Variants in FRMD5 observed in about 807,000 individuals in gnomAD.
FRMD5 encodes FERM domain-containing protein 5.
FRMD5 carries 20 observed loss-of-function variants against 69.0 expected under a neutral mutation model. The observed-to-expected ratio is 0.29, with a 90% CI of 0.20 to 0.42. FRMD5 has a LOEUF of 0.42. FRMD5 is among the 10% of genes least tolerant of loss of function. FRMD5 has a pLI of 1.00. For synonymous variants in FRMD5, 271 were observed against 260.1 expected (o/e 1.04, Z -0.40); for missense variants, 595 against 708.6 (o/e 0.84, Z 1.82).
chr15:43,963,047 T>C (rs1332056563), intron 1 of FRMD5, among the ~76,000 whole-genome samples: 4 of 152,100 alleles, frequency 2.6e-5, no homozygotes, highest in Non-Finnish European at 5.9e-5. Flanking sequence ...AAAGCCAAAA[T>C]TGACAAATGG....
intron 1 of FRMD5, among the ~76,000 whole-genome samples, chr15:43,975,442 A>G (rs1054784354): frequency 6.6e-6 from 1 of 152,250 alleles, no homozygotes; most frequent in African/African-American, 2.4e-5. Context: ...TGCCGGGCCA[A>G]TATAAAAGCA....
At chr15:44,123,391 A>T (rs1387942443) in intron 1 of FRMD5, among the ~76,000 whole-genome samples, 3 of 151,974 alleles carry the variant, frequency 2.0e-5, no homozygotes, top group African/African-American at 4.8e-5. Flanking sequence ...AGTGACCCTC[A>T]AGGAATATGA....
At chr15:43,915,763 C>T (rs2089374841) in intron 4 of FRMD5, among the ~76,000 whole-genome samples, 1 of 152,186 alleles carries the variant, frequency 6.6e-6, no homozygotes, top group Non-Finnish European at 1.5e-5. Flanking sequence ...CCCTACTTCA[C>T]CCCCTTCTCT....
chr15:44,076,611 T>C (rs1200979298), intron 1 of FRMD5, among the ~76,000 whole-genome samples: 2 of 121,816 alleles, frequency 1.6e-5, no homozygotes, highest in Non-Finnish European at 3.3e-5. Context: ...CATCACACTC[T>C]GGGGACTGTT....
chr15:43,892,201 AATC>A (rs2088809320), intron 7 of FRMD5, 132 bp from the exon 8 acceptor site: 1 of 765,196 alleles, frequency 1.3e-6, no homozygotes, highest in Non-Finnish European at 2.2e-6. Flanking sequence ...TATCATCTGG[AATC>A]ACAAGACCAT....
chr15:43,877,847 A>T (rs12906333), intron 13 of FRMD5, among the ~76,000 whole-genome samples: 4,900 of 152,310 alleles, frequency 0.032, 111 homozygotes, highest in Non-Finnish European at 0.048. Flanking sequence ...AAAACCAAGG[A>T]TAGAATCCAA....
chr15:44,169,646 T>G (rs1293948326), intron 1 of FRMD5, among the ~76,000 whole-genome samples: 1 of 152,172 alleles, frequency 6.6e-6, no homozygotes, highest in African/African-American at 2.4e-5. Flanking sequence ...ACAGCAGATT[T>G]CTGGGGACCC....
intron 7 of FRMD5, 114 bp from the exon 8 acceptor site, chr15:43,892,183 GA>G: frequency 1.2e-6 from 1 of 864,670 alleles, no homozygotes; most frequent in Non-Finnish European, 1.9e-6. Context: ...GTCACAGAGG[GA>G]AAAGCATATC....
chr15:44,071,335 G>T (rs1470426586), intron 1 of FRMD5, among the ~76,000 whole-genome samples: 1 of 152,162 alleles, frequency 6.6e-6, no homozygotes, highest in Non-Finnish European at 1.5e-5. Flanking sequence ...GGCTGAGGAG[G>T]AAGATCATCG....
intron 1 of FRMD5, among the ~76,000 whole-genome samples, chr15:44,026,673 T>C (rs1172691783): frequency 6.6e-6 from 1 of 152,222 alleles, no homozygotes; most frequent in Non-Finnish European, 1.5e-5. Flanking sequence ...GATGAAATGA[T>C]TTTTCTCAAA....
At chr15:43,928,304 G>C (rs548347961) in intron 1 of FRMD5, among the ~76,000 whole-genome samples, 1 of 152,294 alleles carries the variant, frequency 6.6e-6, no homozygotes, top group South Asian at 2.1e-4. Context: ...GCTGGGGTGG[G>C]GGTGAGGGGA....
chr15:44,174,004 T>C (rs2077850283), intron 1 of FRMD5, among the ~76,000 whole-genome samples: 1 of 152,080 alleles, frequency 6.6e-6, no homozygotes, highest in African/African-American at 2.4e-5. Context: ...TTCAAGGTCA[T>C]ATAGGTAGTA....
intron 1 of FRMD5, among the ~76,000 whole-genome samples, chr15:44,192,366 T>C (rs1190087808): frequency 1.3e-5 from 2 of 152,344 alleles, no homozygotes; most frequent in Admixed American, 6.5e-5. Context: ...TCTCTGATTA[T>C]GCTAAGGCAG....
rs902188388 is a variant in FRMD5, at chr15:43,875,877, T to A, written c.1136-1415A>T. 5.2e-5 allele frequency: 34 copies of A among 652,676 alleles called. No individual in the cohort carries two copies. In the East Asian group the frequency reaches 1.1e-3, roughly 22 times the overall value. The allele number at this position is 652,676 out of a possible 1,614,324, so 40.4% of individuals were successfully genotyped here. On this transcript the variant is annotated intron_variant, in intron 13 of 13. Transcript: ENST00000417257. ...TTTTCTTCCTTCAACCATAATAATA[T>A]GATATCCAAATTTTGTCTTAACTGC...
At chr15:44,167,232 G>A (rs987193058) in intron 1 of FRMD5, among the ~76,000 whole-genome samples, 4 of 152,102 alleles carry the variant, frequency 2.6e-5, no homozygotes, top group African/African-American at 9.7e-5. Context: ...GCCAAGCATG[G>A]TGGGACATCC....
intron 1 of FRMD5, among the ~76,000 whole-genome samples, chr15:44,123,811 G>T (rs773203990): frequency 1.3e-5 from 2 of 152,056 alleles, no homozygotes; most frequent in Non-Finnish European, 2.9e-5. Flanking sequence ...AGAAATTAAA[G>T]AAATGCTAAT....
rs2088168601 is a variant in FRMD5 at position 43,871,870 on chromosome 15, A to G, written c.*2015T>C. 6.6e-6 allele frequency: 1 copy of G among 152,194 alleles called. No homozygotes were observed. Among genetic ancestry groups the G allele is most frequent in the African/African-American group, 2.4e-5 (1 of 41,436 alleles). 9.4% of individuals were successfully genotyped at this position (152,194 alleles called of 1,614,324 possible). ...TTAAACAAGCAACCCTAGTGCCTCCACTGGGAAGAGGTCCCAGATCTTTGA... is the reference window on the plus strand; with the variant it reads ...TTAAACAAGCAACCCTAGTGCCTCCGCTGGGAAGAGGTCCCAGATCTTTGA... On this transcript the variant is annotated 3_prime_UTR_variant, in exon 14 of 14. Coordinates refer to ENST00000417257, the MANE Select transcript of FRMD5 (RefSeq NM_032892.5).
At chr15:43,970,653 C>A (rs566507573) in intron 1 of FRMD5, among the ~76,000 whole-genome samples, 2 of 152,136 alleles carry the variant, frequency 1.3e-5, no homozygotes, top group African/African-American at 4.8e-5. Context: ...GGCAGGGTTT[C>A]GCCATGTTGG....
chr15:44,076,196 A>G lies in FRMD5; in HGVS notation c.102+118757T>C, dbSNP rs189066647. Among the ~76,000 whole-genome samples the G allele has an allele frequency of 5.8e-3, 884 of 152,224 alleles. 5 individuals carry two copies. The highest frequency in any genetic ancestry group is 8.2e-3 in the Non-Finnish European group (558 of 68,016). The stretch of plus-strand genomic sequence containing the variant: ...GGTGGGACTGTAAACTAGTTCAACC[A>G]TTGTGGAAGTCAGTGTGGCAATTCC... On this transcript the variant is annotated intron_variant, in intron 1 of 13. Coordinates refer to ENST00000417257, the MANE Select transcript of FRMD5 (RefSeq NM_032892.5).
Sources: allele counts gnomAD v4.1 joint callset (sites outside exome capture counted in the v4.1 genomes callset), GRCh38; gene constraint gnomAD v4.1.1; transcripts MANE v1.5; gene names NCBI Gene and HGNC (gene_info 2026-07-23, HGNC 2026-07-21).